Variants in ADGRF1 observed in about 807,000 individuals in gnomAD.
ADGRF1 encodes the protein G protein-coupled receptor 110.
Under a neutral mutation model 87.2 loss-of-function variants are expected in ADGRF1, and 85 were observed. That is an observed-to-expected ratio of 0.97 (90% CI 0.82 to 1.17). The LOEUF (loss-of-function observed/expected upper bound fraction) is 1.17. Ranked by LOEUF, ADGRF1 falls within the 50% of genes most tolerant of loss-of-function variation. ADGRF1 has a pLI of 0.00. For missense variants in ADGRF1, 1,169 were observed against 1,077.2 expected (o/e 1.09, Z -1.19); for synonymous variants, 430 against 408.8 (o/e 1.05, Z -0.63).
chr6:47,037,925 A>G (rs895351158), intron 1 of ADGRF1, among the ~76,000 whole-genome samples: 1 of 152,100 alleles, frequency 6.6e-6, no homozygotes, highest in Admixed American at 6.5e-5. Flanking sequence ...CAGTGGTGCA[A>G]TCTCTGCTTA....
At position 47,029,046 on chromosome 6, in the gene ADGRF1, G is replaced by A; in HGVS notation, c.16C>T (p.Leu6=). 1 of 1,614,074 alleles carries A rather than the reference G, an allele frequency of 6.2e-7. No individual in the cohort carries two copies. Among genetic ancestry groups the A allele is most frequent in the Non-Finnish European group, 8.5e-7 (1 of 1,179,958 alleles). The part of the protein sequence containing the change: MKVGV[L]WLISFFTFTD... ...AAGGTGAAGAAAGAAATGAGCCACA[G>A]CACTCCAACTTTCATTTTCCCTGGA... is the stretch of plus-strand genomic sequence containing the variant. The change falls in exon 2 of 15, where the codon CTG becomes TTG. Residue 6 remains leucine, a synonymous_variant. Coordinates refer to ENST00000371253, the MANE Select transcript of ADGRF1 (RefSeq NM_153840.4).
At chr6:47,004,528 T>C (rs1779460467) in intron 13 of ADGRF1, among the ~76,000 whole-genome samples, 1 of 152,186 alleles carries the variant, frequency 6.6e-6, no homozygotes, top group Admixed American at 6.6e-5. Context: ...TACTTGGGAG[T>C]ATTTTTCCTT....
intron 7 of ADGRF1, chr6:47,018,059 A>T (rs1779933315): frequency 5.1e-6 from 1 of 195,716 alleles, no homozygotes. Context: ...AAAATAAGTT[A>T]TAGGTTAGGA....
At chr6:47,008,501 T>C (rs746567412) in intron 11 of ADGRF1, among the ~76,000 whole-genome samples, 1 of 152,252 alleles carries the variant, frequency 6.6e-6, no homozygotes, top group Non-Finnish European at 1.5e-5. Context: ...ATGGCTGTAT[T>C]CCAATAAAAC....
At position 47,004,731 on chromosome 6, in the gene ADGRF1, C is replaced by T. The variant is rs148728178; in HGVS notation, c.2592+1086G>A. Among the ~76,000 whole-genome samples the T allele has an allele frequency of 3.3e-5, 5 of 152,310 alleles. No homozygotes were observed. The East Asian group carries it at 9.6e-4, about 29-fold the overall frequency. On this transcript the variant is annotated intron_variant, in intron 13 of 14. Transcript: ENST00000371253. ...TCGAGTGATTTTTAGTTCTTCCAGA[C>T]ATAAAATCTAAATCCCAGAATGTGA...
chr6:47,007,679 C>A (rs748115222), intron 11 of ADGRF1, among the ~76,000 whole-genome samples: 2 of 152,214 alleles, frequency 1.3e-5, no homozygotes, highest in Admixed American at 6.5e-5. Flanking sequence ...CACAGAGATC[C>A]AATCCTATGG....
chr6:47,002,171 G>T (rs1779381639), intron 13 of ADGRF1, among the ~76,000 whole-genome samples: 1 of 152,080 alleles, frequency 6.6e-6, no homozygotes, highest in Non-Finnish European at 1.5e-5. Flanking sequence ...TCATTCATTT[G>T]TCCATTAATT....
intron 7 of ADGRF1, chr6:47,019,304 G>A (rs957185259): frequency 3.1e-6 from 3 of 975,356 alleles, no homozygotes; most frequent in Non-Finnish European, 2.4e-6. Context: ...GTTTTTGCTG[G>A]TATTGAATTT....
At chr6:47,004,675 G>A (rs1427131410) in intron 13 of ADGRF1, among the ~76,000 whole-genome samples, 1 of 152,094 alleles carries the variant, frequency 6.6e-6, no homozygotes, top group South Asian at 2.1e-4. Flanking sequence ...TTAAGTGTAG[G>A]TAATGACTCA....
chr6:47,041,684 GAGA>G (rs1780746119), intron 1 of ADGRF1, among the ~76,000 whole-genome samples: 1 of 152,142 alleles, frequency 6.6e-6, no homozygotes, highest in African/African-American at 2.4e-5. Context: ...GAGTTAAATT[GAGA>G]AGTACTTCCT....
At chr6:47,013,646 G>T (rs764843336) in intron 9 of ADGRF1, 9 of 985,368 alleles carry the variant, frequency 9.1e-6, no homozygotes, top group Non-Finnish European at 1.1e-5. Flanking sequence ...AGAGCATCAT[G>T]TGGAGGGCAT....
At chr6:47,026,567 A>G (rs1214910816) in intron 3 of ADGRF1, among the ~76,000 whole-genome samples, 2 of 152,114 alleles carry the variant, frequency 1.3e-5, no homozygotes, top group Non-Finnish European at 2.9e-5. Context: ...CCAGCTCATC[A>G]TTTCTGCACA....
Position 47,009,712 on chromosome 6 carries a change from G to T in ADGRF1, c.1723C>A (p.Pro575Thr). The T allele has an allele frequency of 4.3e-6, 7 of 1,614,174 alleles. No homozygotes were observed. Among genetic ancestry groups the T allele is most frequent in the Non-Finnish European group, 5.9e-6 (7 of 1,180,024 alleles). ...HLTSFSILMS[P>T]FVPSTIFPVV... ...GGGAAGATTGTAGAGGGGACAAAAGGTGACATCAATATGGAGAAGGAGGTC... is the reference window on the plus strand; with the variant it reads ...GGGAAGATTGTAGAGGGGACAAAAGTTGACATCAATATGGAGAAGGAGGTC... Residue 575 changes from proline to threonine, a missense_variant, in exon 11 of 15, where the codon CCT becomes ACT. Coordinates refer to ENST00000371253, the MANE Select transcript of ADGRF1 (RefSeq NM_153840.4).
chr6:47,014,573 C>T, intron 9 of ADGRF1, 108 bp downstream of exon 9: 1 of 1,511,488 alleles, frequency 6.6e-7, no homozygotes, highest in Non-Finnish European at 8.8e-7. Flanking sequence ...TGCATACTGG[C>T]CAATGATGCA....
At chr6:47,035,303 G>T (rs563218243) in intron 1 of ADGRF1, among the ~76,000 whole-genome samples, 1 of 152,280 alleles carries the variant, frequency 6.6e-6, no homozygotes, top group Non-Finnish European at 1.5e-5. Flanking sequence ...CAGTCTTCCT[G>T]TAATTCCTAG....
intron 8 of ADGRF1, 152 bp downstream of exon 8, chr6:47,016,465 G>A: frequency 1.3e-6 from 1 of 754,980 alleles, no homozygotes; most frequent in South Asian, 2.7e-5. Context: ...TTTCATCTTG[G>A]TGCTGGGGGA....
chr6:47,042,090 A>G (rs553391784), intron 1 of ADGRF1, 101 bp downstream of exon 1: 1 of 151,730 alleles, frequency 6.6e-6, no homozygotes, highest in Non-Finnish European at 1.5e-5. Context: ...TGAAATCAGA[A>G]TTTTTTTTTC....
Position 47,025,969 on chromosome 6 carries a change from C to CA in ADGRF1, c.161dup (p.Thr55AspfsTer3). On this transcript the variant is annotated frameshift_variant, in exon 4 of 15. Transcript: ENST00000371253. LOFTEE classifies it high-confidence loss of function. ...TTTTCTCCTTGGAATCTCTATAGGT[C>CA]ACCTGAAGCAGCAGCTGATATTCTT... 6.2e-7 allele frequency: 1 copy of CA among 1,608,150 alleles called. No homozygotes were observed. The highest frequency in any genetic ancestry group is 8.5e-7 in the Non-Finnish European group (1 of 1,177,250).
intron 14 of ADGRF1, 55 bp downstream of exon 14, chr6:47,001,446 A>G: frequency 1.5e-6 from 2 of 1,334,082 alleles, no homozygotes; most frequent in Non-Finnish European, 2.1e-6. Context: ...TTCATATGAT[A>G]TACTCATATA....
Sources: allele counts gnomAD v4.1 joint callset (sites outside exome capture counted in the v4.1 genomes callset), GRCh38; gene constraint gnomAD v4.1.1; transcripts MANE v1.5; gene names NCBI Gene and HGNC (gene_info 2026-07-23, HGNC 2026-07-21).